Variants in EYS observed in about 807,000 individuals in gnomAD.
EYS encodes the protein EGF-like photoreceptor maintenance factor.
EYS carries 250 observed loss-of-function variants against 282.1 expected under a neutral mutation model. The observed-to-expected ratio is 0.89, with a 90% CI of 0.80 to 0.98. EYS has a LOEUF of 0.98. EYS is among the 50% of genes least tolerant of loss of function. The probability of loss-of-function intolerance (pLI) is 0.00; values close to 1 mark genes in which losing one functional copy is unlikely to be tolerated. For synonymous variants in EYS, 1,355 were observed against 1,282.9 expected (o/e 1.06, Z -1.20); for missense variants, 4,016 against 3,709.0 (o/e 1.08, Z -2.15).
intron 11 of EYS, among the ~76,000 whole-genome samples, chr6:65,301,692 C>G (rs1415676231): frequency 6.6e-6 from 1 of 152,266 alleles, no homozygotes; most frequent in Non-Finnish European, 1.5e-5. Context: ...ACTCCCACCC[C>G]TGGCCCTCAG....
chr6:64,999,779 C>T (rs1346508527), intron 13 of EYS, among the ~76,000 whole-genome samples: 3 of 152,122 alleles, frequency 2.0e-5, no homozygotes, highest in African/African-American at 4.8e-5. Flanking sequence ...AGCGCCGGCA[C>T]GCTGGAGCTC....
intron 2 of EYS, among the ~76,000 whole-genome samples, chr6:65,556,387 T>TTGTG (rs10602177): frequency 7.3e-4 from 109 of 148,928 alleles, no homozygotes; most frequent in Middle Eastern, 3.5e-3. Flanking sequence ...ACTGCTGGGT[T>TTGTG]TGTGTGTGTG....
chr6:64,683,050 G>A (rs1769957000), intron 22 of EYS, among the ~76,000 whole-genome samples: 2 of 152,330 alleles, frequency 1.3e-5, no homozygotes, highest in South Asian at 4.1e-4. Context: ...AGCAGTAGCC[G>A]CAAGGCTGAG....
chr6:65,022,177 T>C (rs1191135560), intron 13 of EYS, among the ~76,000 whole-genome samples: 1 of 152,244 alleles, frequency 6.6e-6, no homozygotes, highest in Non-Finnish European at 1.5e-5. Context: ...GGATTTCTTT[T>C]TTCTCCTAAG....
chr6:65,286,283 C>G (rs1250502211), intron 12 of EYS, among the ~76,000 whole-genome samples: 1 of 151,670 alleles, frequency 6.6e-6, no homozygotes, highest in Non-Finnish European at 1.5e-5. Context: ...CAATCTCTGC[C>G]AAATGTAGAC....
At chr6:64,685,446 G>T (rs1770059075) in intron 22 of EYS, among the ~76,000 whole-genome samples, 1 of 152,128 alleles carries the variant, frequency 6.6e-6, no homozygotes, top group Admixed American at 6.6e-5. Context: ...TGGGTCATGG[G>T]GGTAGATCCC....
intron 4 of EYS, among the ~76,000 whole-genome samples, chr6:65,492,153 T>A (rs75503191): frequency 6.6e-6 from 1 of 152,208 alleles, no homozygotes. Flanking sequence ...TATTTCATTA[T>A]CTTCTTCGAT....
chr6:64,107,259 A>G (rs3003668), intron 31 of EYS, among the ~76,000 whole-genome samples: 2,489 of 124,870 alleles, frequency 0.02, 74 homozygotes, highest in African/African-American at 0.068. Flanking sequence ...ATATATATAT[A>G]TGTGTGTGTG....
intron 2 of EYS, among the ~76,000 whole-genome samples, chr6:65,634,357 C>A (rs1012661105): frequency 2.0e-5 from 3 of 152,096 alleles, no homozygotes; most frequent in Non-Finnish European, 4.4e-5. Flanking sequence ...ATAATGGATG[C>A]ATTCAAATGT....
intron 12 of EYS, 59 bp from the exon 13 acceptor site, chr6:65,057,786 G>A (rs1378374999): frequency 9.4e-6 from 11 of 1,173,780 alleles, no homozygotes; most frequent in Admixed American, 4.0e-5. Context: ...GTATCAAGTC[G>A]TAATTCTTAA....
chr6:64,100,071 G>A (rs1425742282), intron 31 of EYS, among the ~76,000 whole-genome samples: 6 of 151,946 alleles, frequency 3.9e-5, no homozygotes, highest in African/African-American at 2.4e-5. Flanking sequence ...TCTAAATGAA[G>A]GTTTACCTGT....
chr6:65,151,142 C>T (rs1764602056), intron 12 of EYS, among the ~76,000 whole-genome samples: 1 of 151,844 alleles, frequency 6.6e-6, no homozygotes, highest in Admixed American at 6.6e-5. Flanking sequence ...CCTATTTACT[C>T]AATTTGATAC....
At chr6:65,586,066 T>C (rs1582486371) in intron 2 of EYS, among the ~76,000 whole-genome samples, 1 of 152,024 alleles carries the variant, frequency 6.6e-6, no homozygotes, top group African/African-American at 2.4e-5. Flanking sequence ...GGTTTCAGGC[T>C]CCATTTTGGG....
At chr6:64,531,400 T>G (rs1764331189) in intron 26 of EYS, among the ~76,000 whole-genome samples, 1 of 150,364 alleles carries the variant, frequency 6.7e-6, no homozygotes, top group South Asian at 2.1e-4. Flanking sequence ...TTTGTTTTTT[T>G]TTTTTGAGAT....
intron 13 of EYS, among the ~76,000 whole-genome samples, chr6:65,045,199 T>C (rs955104669): frequency 6.6e-6 from 1 of 151,906 alleles, no homozygotes; most frequent in Non-Finnish European, 1.5e-5. Context: ...GTGTGTGCTC[T>C]CCTAAGTCCA....
intron 12 of EYS, among the ~76,000 whole-genome samples, chr6:65,125,395 C>T (rs147660416): frequency 4.6e-5 from 7 of 152,244 alleles, no homozygotes; most frequent in African/African-American, 7.2e-5. Flanking sequence ...CTTTGTCCCC[C>T]GCTGCCCATT....
At chr6:63,928,301 A>G (rs1322942924) in intron 35 of EYS, among the ~76,000 whole-genome samples, 1 of 152,212 alleles carries the variant, frequency 6.6e-6, no homozygotes, top group African/African-American at 2.4e-5. Flanking sequence ...CTATCTTAAA[A>G]AAAAGTACAT....
At chr6:63,966,758 T>C (rs1766330424) in intron 35 of EYS, among the ~76,000 whole-genome samples, 1 of 152,192 alleles carries the variant, frequency 6.6e-6, no homozygotes, top group Non-Finnish European at 1.5e-5. Flanking sequence ...GTTACAAGGA[T>C]TAACTGAGAT....
At chr6:64,407,845 C>A (rs150506060) in intron 28 of EYS, among the ~76,000 whole-genome samples, 1,722 of 152,148 alleles carry the variant, frequency 0.011, 34 homozygotes, top group African/African-American at 0.039. Flanking sequence ...GATTCTCCTG[C>A]CTCAGCCTCC....
Sources: gnomAD v4.1 joint callset for allele counts (sites outside exome capture counted in the v4.1 genomes callset) on GRCh38, gnomAD v4.1.1 for gene constraint, MANE v1.5 for transcripts, NCBI Gene and HGNC (gene_info 2026-07-23, HGNC 2026-07-21) for gene names.